The following FGGY variants were observed in gnomAD, a reference collection of about 807,000 sequenced individuals.
The protein encoded by FGGY is FGGY carbohydrate kinase domain-containing protein.
FGGY carries 72 observed loss-of-function variants against 71.3 expected under a neutral mutation model. The ratio of observed to expected loss-of-function variants is 1.01; its 90% CI spans 0.84 to 1.23. The LOEUF (loss-of-function observed/expected upper bound fraction) is 1.23. FGGY is among the 50% of genes most tolerant of loss of function. The probability of loss-of-function intolerance (pLI) is 0.00; values close to 1 mark genes in which losing one functional copy is unlikely to be tolerated. For synonymous variants in FGGY, 251 were observed against 250.3 expected, an observed-to-expected ratio of 1.00 and a Z score of -0.02; for missense variants, 668 against 682.3, an observed-to-expected ratio of 0.98 and a Z score of 0.23.
At chr1:59,338,757 T>C (rs1452784368) in intron 2 of FGGY, among the ~76,000 whole-genome samples, 2 of 152,208 alleles carry the variant, frequency 1.3e-5, no homozygotes, top group Non-Finnish European at 2.9e-5. Flanking sequence ...TTTTAAAATA[T>C]AGTCTGAGCA....
intron 7 of FGGY, among the ~76,000 whole-genome samples, chr1:59,533,603 C>T (rs1440916525): frequency 6.6e-6 from 1 of 152,246 alleles, no homozygotes; most frequent in East Asian, 1.9e-4. Context: ...CCCTGTCTGA[C>T]AGCTTTGAAG....
intron 5 of FGGY, among the ~76,000 whole-genome samples, chr1:59,392,399 G>A (rs1027668087): frequency 6.6e-6 from 1 of 152,098 alleles, no homozygotes; most frequent in Admixed American, 6.6e-5. Context: ...CTTGGAGCTC[G>A]TAAGACTCGT....
chr1:59,557,635 C>T (rs1313909206), intron 8 of FGGY, among the ~76,000 whole-genome samples: 1 of 152,150 alleles, frequency 6.6e-6, no homozygotes, highest in African/African-American at 2.4e-5. Context: ...CTTTTTTTAA[C>T]TCCATGAAAG....
rs540332688 is a variant in FGGY, at chr1:59,306,780, T to C, written c.-15+9630T>C. 4.6e-5 allele frequency among the ~76,000 whole-genome samples: 7 copies of C among 152,286 alleles called. No homozygotes were observed. The East Asian group carries it at 1.4e-3, about 29-fold the overall frequency. Reference sequence around the variant, plus strand: ...TTGGGGAAGAATATACAGTGACATATGTATAGAGTGCACTTAGGAAGGATA... The same window carrying C: ...TTGGGGAAGAATATACAGTGACATACGTATAGAGTGCACTTAGGAAGGATA... On this transcript the variant is annotated intron_variant, in intron 1 of 15. Transcript: ENST00000303721.
chr1:59,712,987 T>G (rs2097809294), intron 14 of FGGY, among the ~76,000 whole-genome samples: 1 of 152,230 alleles, frequency 6.6e-6, no homozygotes, highest in Admixed American at 6.5e-5. Context: ...TCTGTTTTCC[T>G]TTTGAAACTG....
intron 8 of FGGY, among the ~76,000 whole-genome samples, chr1:59,586,102 C>T (rs867299237): frequency 1.6e-4 from 24 of 152,168 alleles, no homozygotes; most frequent in Non-Finnish European, 2.9e-4. Context: ...GTCAGTGTGG[C>T]GATTCCTCAG....
chr1:59,532,995 A>C (rs1336071511), intron 7 of FGGY, among the ~76,000 whole-genome samples: 1 of 152,182 alleles, frequency 6.6e-6, no homozygotes, highest in Non-Finnish European at 1.5e-5. Context: ...TAAAAATTTT[A>C]GGGAGGAGCC....
intron 11 of FGGY, among the ~76,000 whole-genome samples, chr1:59,640,255 A>T (rs920678025): frequency 6.6e-6 from 1 of 152,212 alleles, no homozygotes; most frequent in Non-Finnish European, 1.5e-5. Flanking sequence ...CCTAAATAAG[A>T]TAGAAGGAAA....
intron 6 of FGGY, among the ~76,000 whole-genome samples, chr1:59,480,765 C>T (rs1437621645): frequency 6.6e-6 from 1 of 152,066 alleles, no homozygotes; most frequent in Non-Finnish European, 1.5e-5. Flanking sequence ...GGTGCTGGAA[C>T]ACTGAGTTTG....
intron 14 of FGGY, chr1:59,755,020 C>T (rs1479082234): frequency 6.6e-6 from 1 of 152,176 alleles, no homozygotes; most frequent in Non-Finnish European, 1.5e-5. Flanking sequence ...CTTCCTGACT[C>T]CTGAAGGGAG....
intron 14 of FGGY, among the ~76,000 whole-genome samples, chr1:59,697,163 C>T (rs1198469072): frequency 6.6e-6 from 1 of 152,128 alleles, no homozygotes; most frequent in East Asian, 1.9e-4. Context: ...GGAGGTGGTC[C>T]TGGTTGTATT....
At chr1:59,437,768 A>G (rs1024689156) in intron 5 of FGGY, among the ~76,000 whole-genome samples, 1 of 152,056 alleles carries the variant, frequency 6.6e-6, no homozygotes, top group African/African-American at 2.4e-5. Flanking sequence ...AATATTTCAG[A>G]CCCCCTTCCC....
intron 7 of FGGY, among the ~76,000 whole-genome samples, chr1:59,523,022 G>C (rs1323866030): frequency 6.6e-6 from 1 of 152,172 alleles, no homozygotes; most frequent in African/African-American, 2.4e-5. Context: ...TCCTGTATTA[G>C]TATATGGCCG....
In FGGY at chr1:59,719,982, T is replaced by C. The variant is rs80108197; in HGVS notation, c.1513-37949T>C. Among the ~76,000 whole-genome samples the C allele has an allele frequency of 3.5e-4, 53 of 152,300 alleles. 1 individual carries two copies. In the East Asian group the frequency reaches 0.01, roughly 29 times the overall value. On this transcript the variant is annotated intron_variant, in intron 14 of 15. Coordinates refer to ENST00000303721, the MANE Select transcript of FGGY (RefSeq NM_018291.5). ...ACTCCCATGTAGTAGAATGCCTTTATATAACTTTCTTGTTAAAGTCAAGGT... is the reference window on the plus strand; with the variant it reads ...ACTCCCATGTAGTAGAATGCCTTTACATAACTTTCTTGTTAAAGTCAAGGT...
At chr1:59,525,042 A>C (rs1458903851) in intron 7 of FGGY, among the ~76,000 whole-genome samples, 1 of 152,196 alleles carries the variant, frequency 6.6e-6, no homozygotes, top group East Asian at 1.9e-4. Flanking sequence ...GGTTCATGGC[A>C]TCTCCAAGCC....
chr1:59,351,313 C>T (rs1035385290), intron 4 of FGGY, among the ~76,000 whole-genome samples: 1 of 152,232 alleles, frequency 6.6e-6, no homozygotes, highest in Non-Finnish European at 1.5e-5. Flanking sequence ...CTTTCACCTA[C>T]AGTGTTCTTC....
At chr1:59,343,938 C>G (rs976056741) in intron 3 of FGGY, among the ~76,000 whole-genome samples, 1 of 152,082 alleles carries the variant, frequency 6.6e-6, no homozygotes, top group African/African-American at 2.4e-5. Context: ...AGAAACAATA[C>G]TGATATTGTC....
At chr1:59,707,982 C>G (rs557302918) in intron 14 of FGGY, among the ~76,000 whole-genome samples, 1 of 152,292 alleles carries the variant, frequency 6.6e-6, no homozygotes, top group East Asian at 1.9e-4. Flanking sequence ...AACAAGTCAT[C>G]TAGTCCAATG....
intron 5 of FGGY, among the ~76,000 whole-genome samples, chr1:59,438,445 A>AT (rs773236001): frequency 1.3e-5 from 2 of 152,302 alleles, no homozygotes; most frequent in East Asian, 3.9e-4. Context: ...CATATCATAG[A>AT]TTTTTTAAAA....
Sources: allele counts gnomAD v4.1 joint callset (sites outside exome capture counted in the v4.1 genomes callset), GRCh38; gene constraint gnomAD v4.1.1; transcripts MANE v1.5; gene names NCBI Gene and HGNC (gene_info 2026-07-23, HGNC 2026-07-21).